PTH2R: variants seen among roughly 807,000 people sequenced by gnomAD.
The protein encoded by PTH2R is PTH2 receptor.
A neutral mutation model predicts 60.3 loss-of-function variants in PTH2R; 59 were observed. The observed-to-expected ratio is 0.98, with a 90% CI of 0.79 to 1.22. PTH2R has a LOEUF of 1.22. Among genes scored for constraint, PTH2R ranks in the 50% most tolerant of loss-of-function variants. The probability of loss-of-function intolerance (pLI) is 0.00; values close to 1 mark genes in which losing one functional copy is unlikely to be tolerated. For synonymous variants in PTH2R, 256 were observed against 243.8 expected, an observed-to-expected ratio of 1.05 and a Z score of -0.47; for missense variants, 749 against 682.6, an observed-to-expected ratio of 1.10 and a Z score of -1.08.
intron 1 of PTH2R, among the ~76,000 whole-genome samples, chr2:208,424,920 G>A (rs894663607): frequency 6.6e-6 from 1 of 152,150 alleles, no homozygotes; most frequent in African/African-American, 2.4e-5. Context: ...ACCAACAGGA[G>A]CATAACGAAT....
chr2:208,381,459 C>G (rs369644996), intron 1 of PTH2R, among the ~76,000 whole-genome samples: 1 of 152,034 alleles, frequency 6.6e-6, no homozygotes, highest in Non-Finnish European at 1.5e-5. Context: ...CCTGCTCTCT[C>G]GAACCCAGGC....
At chr2:208,415,766 A>G (rs1701628559) in intron 1 of PTH2R, among the ~76,000 whole-genome samples, 1 of 152,228 alleles carries the variant, frequency 6.6e-6, no homozygotes, top group African/African-American at 2.4e-5. Context: ...ATTTAAGATG[A>G]GATATCACAT....
intron 8 of PTH2R, among the ~76,000 whole-genome samples, chr2:208,454,165 CT>C (rs570546028): frequency 0.019 from 2,775 of 147,508 alleles, 32 homozygotes; most frequent in Admixed American, 0.028. Context: ...TGAAAAAATT[CT>C]TTTTTTTTTG....
intron 7 of PTH2R, among the ~76,000 whole-genome samples, chr2:208,448,703 A>G (rs1702340157): frequency 6.6e-6 from 1 of 150,518 alleles, no homozygotes; most frequent in Non-Finnish European, 1.5e-5. Context: ...TTTATATTAA[A>G]TTTACTTAAT....
chr2:208,467,854 A>G lies in PTH2R; in HGVS notation c.981+7893A>G, dbSNP rs563532654. Among the ~76,000 whole-genome samples, 71 of 152,358 alleles carry G rather than the reference A, an allele frequency of 4.7e-4. 1 individual carries two copies. The South Asian group carries it at 0.014, about 31-fold the overall frequency. Reference sequence around the variant, plus strand: ...GCCTATCTAATCTTCAAAAGGATTTATAAACATTTCAAAGAGATGAGAAAG... The same window carrying G: ...GCCTATCTAATCTTCAAAAGGATTTGTAAACATTTCAAAGAGATGAGAAAG... On this transcript the variant is annotated intron_variant, in intron 9 of 12. Coordinates refer to ENST00000272847, the MANE Select transcript of PTH2R (RefSeq NM_005048.4).
chr2:208,472,527 G>T (rs1005286756), intron 9 of PTH2R, among the ~76,000 whole-genome samples: 6 of 152,276 alleles, frequency 3.9e-5, no homozygotes, highest in African/African-American at 1.4e-4. Flanking sequence ...GAGATCTGAT[G>T]ATTATATAAG....
intron 10 of PTH2R, among the ~76,000 whole-genome samples, chr2:208,487,202 C>A (rs1344315092): frequency 6.6e-6 from 1 of 152,124 alleles, no homozygotes; most frequent in Non-Finnish European, 1.5e-5. Flanking sequence ...ATATGGACTT[C>A]TAGGCCCTAT....
At chr2:208,437,000 T>C (rs1226936470) in intron 2 of PTH2R, among the ~76,000 whole-genome samples, 1 of 152,190 alleles carries the variant, frequency 6.6e-6, no homozygotes, top group Non-Finnish European at 1.5e-5. Flanking sequence ...TTGTGAGAAG[T>C]GATGAAGTTC....
At chr2:208,390,303 A>C (rs1701084357) in intron 1 of PTH2R, among the ~76,000 whole-genome samples, 1 of 152,276 alleles carries the variant, frequency 6.6e-6, no homozygotes, top group Admixed American at 6.5e-5. Flanking sequence ...CTGGGGGTGG[A>C]ATGTTCTCCT....
rs1224025157 is a variant in PTH2R at position 208,365,929 on chromosome 2, AATATATATATATATATATATAT to A, written c.-259+5703_-259+5724del. Reference sequence around the variant, plus strand: ...TTATATATATATAATATAATAGATAAATATATATATATATATATATATATATATATATTTTTTTTTTTTTTTT... The same window carrying A: ...TTATATATATATAATATAATAGATAAATATATATATTTTTTTTTTTTTTTT... On this transcript the variant is annotated intron_variant, in intron 1 of 12. Transcript: ENST00000617735. Among the ~76,000 whole-genome samples the A allele has an allele frequency of 1.7e-3, 75 of 43,730 alleles. 3 individuals are homozygous for A. Among genetic ancestry groups the A allele is most frequent in the East Asian group, 8.1e-3 (12 of 1,488 alleles). The allele number at this position is 43,730 out of a possible 152,430, so 28.7% of individuals were successfully genotyped here.
intron 1 of PTH2R, among the ~76,000 whole-genome samples, chr2:208,416,575 G>T (rs185964043): frequency 6.6e-6 from 1 of 152,126 alleles, no homozygotes. Context: ...GCTATCTGCC[G>T]TTCTGTATGT....
At chr2:208,440,372 A>G (rs1274115207) in intron 4 of PTH2R, among the ~76,000 whole-genome samples, 1 of 152,190 alleles carries the variant, frequency 6.6e-6, no homozygotes. Context: ...TTTATGTTTT[A>G]CACATTATTC....
At chr2:208,453,973 A>T (rs980363114) in intron 8 of PTH2R, among the ~76,000 whole-genome samples, 4 of 152,160 alleles carry the variant, frequency 2.6e-5, no homozygotes, top group Non-Finnish European at 5.9e-5. Context: ...CCCATCTCCT[A>T]TCATTCCTTA....
intron 11 of PTH2R, among the ~76,000 whole-genome samples, chr2:208,490,121 C>T (rs1703370695): frequency 6.6e-6 from 1 of 152,002 alleles, no homozygotes; most frequent in African/African-American, 2.4e-5. Context: ...ATATTTTATC[C>T]ATGTCTCTTC....
chr2:208,420,405 G>A (rs2105845878), intron 1 of PTH2R, among the ~76,000 whole-genome samples: 1 of 152,028 alleles, frequency 6.6e-6, no homozygotes, highest in Middle Eastern at 3.4e-3. Context: ...CATGAGCATT[G>A]TATGAGGCTA....
In PTH2R at chr2:208,406,838, C is replaced by G. The variant is rs578047641; in HGVS notation, c.-206C>G. The G allele has an allele frequency of 1.8e-5, 7 of 397,256 alleles. 1 individual carries two copies. In the South Asian group the frequency reaches 8.5e-4, roughly 48 times the overall value. The allele number at this position is 397,256 out of a possible 1,614,324, so 24.6% of individuals were successfully genotyped here. ...GGAAGACAAGACCAACCTCGCGCCGCGGCGCAGCAGCACGCGGGTTCTGAG... is the reference window on the plus strand; with the variant it reads ...GGAAGACAAGACCAACCTCGCGCCGGGGCGCAGCAGCACGCGGGTTCTGAG... On this transcript the variant is annotated 5_prime_UTR_variant, in exon 1 of 13. Transcript: ENST00000272847.
intron 1 of PTH2R, among the ~76,000 whole-genome samples, chr2:208,388,566 A>C (rs1313444128): frequency 6.6e-6 from 1 of 152,188 alleles, no homozygotes; most frequent in African/African-American, 2.4e-5. Flanking sequence ...GTGTTGGTAA[A>C]GAGATATTGT....
At chr2:208,389,100 C>T (rs1158419783) in intron 1 of PTH2R, among the ~76,000 whole-genome samples, 2 of 152,142 alleles carry the variant, frequency 1.3e-5, no homozygotes, top group Non-Finnish European at 2.9e-5. Flanking sequence ...TGAATTTAAG[C>T]ATCAGAGAGT....
chr2:208,391,760 G>T (rs1701112250), intron 1 of PTH2R, among the ~76,000 whole-genome samples: 1 of 152,144 alleles, frequency 6.6e-6, no homozygotes, highest in South Asian at 2.1e-4. Context: ...TTTCCCTAAT[G>T]CTCTGGTCCC....
Sources: allele counts gnomAD v4.1 joint callset (sites outside exome capture counted in the v4.1 genomes callset), GRCh38; gene constraint gnomAD v4.1.1; transcripts MANE v1.5; gene names NCBI Gene and HGNC (gene_info 2026-07-23, HGNC 2026-07-21).